Variants in SPDYE6 observed in about 807,000 individuals in gnomAD.
SPDYE6 encodes the protein speedy protein E6.
For synonymous variants in SPDYE6, 2 were observed against 103.0 expected (o/e 0.02, Z 5.94); for missense variants, 8 against 297.9 (o/e 0.03, Z 7.16).
chr7:102,353,655 TTCG>T (rs1367999060), intron 2 of SPDYE6, among the ~76,000 whole-genome samples: 1 of 148,214 alleles, frequency 6.7e-6, no homozygotes, highest in Non-Finnish European at 1.5e-5. Context: ...TTTTTTTTTT[TTCG>T]TTGTTGTTGT....
intron 4 of SPDYE6, among the ~76,000 whole-genome samples, 163 bp downstream of exon 4, chr7:102,351,899 TCACA>T (rs1301839417): frequency 0.033 from 489 of 14,844 alleles, 1 homozygote; most frequent in Admixed American, 0.054. Context: ...AGACTCTGTC[TCACA>T]CACACACACA....
In SPDYE6 at chr7:102,346,621, A is replaced by G. The variant is rs1794501056; in HGVS notation, c.*646T>C. ...AGGATAAAAGAATTGTCTCTTAAAA[A>G]TGAAAAGAAAATTAGCTTTATGTAT... On this transcript the variant is annotated 3_prime_UTR_variant, in exon 8 of 8. Transcript: ENST00000563237. Among the ~76,000 whole-genome samples the G allele has an allele frequency of 2.0e-5, 3 of 151,552 alleles. No homozygotes were observed. Among genetic ancestry groups the G allele is most frequent in the African/African-American group, 4.8e-5 (2 of 41,372 alleles).
At chr7:102,353,748 C>G in intron 2 of SPDYE6, among the ~76,000 whole-genome samples, 2 of 144,708 alleles carry the variant, frequency 1.4e-5, no homozygotes, top group South Asian at 4.8e-4. Flanking sequence ...ACTGCAACCT[C>G]TGCCTCCCGG....
chr7:102,353,637 C>CT lies in SPDYE6; in HGVS notation c.380-250dup, dbSNP rs374776632. 2.2e-3 allele frequency among the ~76,000 whole-genome samples: 268 copies of CT among 124,468 alleles called. 1 individual carries two copies. Among genetic ancestry groups the CT allele is most frequent in the African/African-American group, 4.2e-3 (138 of 32,632 alleles). 81.7% of individuals were successfully genotyped at this position (124,468 alleles called of 152,430 possible). On this transcript the variant is annotated intron_variant, in intron 2 of 7. Coordinates refer to ENST00000563237, the MANE Select transcript of SPDYE6 (RefSeq NM_001146210.4). ...CCCTGGTCCCTGGCTCTCTGAGTCCCTTTTTTTTTTTTTTTTTTTCGTTGT... is the reference window on the plus strand; with the variant it reads ...CCCTGGTCCCTGGCTCTCTGAGTCCCTTTTTTTTTTTTTTTTTTTTCGTTGT...
At position 102,346,317 on chromosome 7, in the gene SPDYE6, T is replaced by A. The variant is rs1554562048; in HGVS notation, c.*950A>T. ...TATTTAAATAATTCTATACCCATGT[T>A]TTTCAAAATAAACCAATAAAATAGA... On this transcript the variant is annotated 3_prime_UTR_variant, in exon 8 of 8. Coordinates refer to ENST00000563237, the MANE Select transcript of SPDYE6 (RefSeq NM_001146210.4). Among the ~76,000 whole-genome samples the A allele has an allele frequency of 1.4e-5, 2 of 142,434 alleles. No individual in the cohort carries two copies. The highest frequency in any genetic ancestry group is 2.6e-5 in the African/African-American group (1 of 38,990). The allele number at this position is 142,434 out of a possible 152,430, so 93.4% of individuals were successfully genotyped here.
In SPDYE6 at chr7:102,347,045, C is replaced by T; in HGVS notation, c.*222G>A. The stretch of plus-strand genomic sequence containing the variant: ...ACTCCTAGAAGGACCCCACCCCCCT[C>T]CCCCCACCCCTGCTCCTAGGAGGAC... On this transcript the variant is annotated 3_prime_UTR_variant, in exon 8 of 8. Coordinates refer to ENST00000563237, the MANE Select transcript of SPDYE6 (RefSeq NM_001146210.4). Among the ~76,000 whole-genome samples the T allele has an allele frequency of 1.6e-5, 1 of 63,188 alleles. No homozygotes were observed. Among genetic ancestry groups the T allele is most frequent in the Non-Finnish European group, 2.8e-5 (1 of 35,654 alleles). 41.5% of individuals were successfully genotyped at this position (63,188 alleles called of 152,430 possible).
chr7:102,353,567 C>G (rs1794604755), intron 2 of SPDYE6, among the ~76,000 whole-genome samples, 179 bp from the exon 3 acceptor site: 1 of 142,670 alleles, frequency 7.0e-6, no homozygotes, highest in African/African-American at 2.6e-5. Context: ...CTTCTCCTCC[C>G]CATTCTCCCG....
In SPDYE6 at chr7:102,345,950, T is replaced by C. The variant is rs1316866942; in HGVS notation, c.*1317A>G. Among the ~76,000 whole-genome samples, 1 of 152,022 alleles carries C rather than the reference T, an allele frequency of 6.6e-6. No individual in the cohort carries two copies. The highest frequency in any genetic ancestry group is 2.4e-5 in the African/African-American group (1 of 41,418). ...ATATGAAATATCAAATAAAAATTTATTTTTACAAGAATTTAGGGGAACTAC... is the reference window on the plus strand; with the variant it reads ...ATATGAAATATCAAATAAAAATTTACTTTTACAAGAATTTAGGGGAACTAC... On this transcript the variant is annotated 3_prime_UTR_variant, in exon 8 of 8. Transcript: ENST00000563237.
intron 4 of SPDYE6, among the ~76,000 whole-genome samples, chr7:102,351,646 A>G (rs1794566789): frequency 1.1e-5 from 1 of 94,368 alleles, no homozygotes; most frequent in Non-Finnish European, 2.2e-5. Context: ...TGACGTCTAT[A>G]ATCTCAGCAC....
Position 102,348,429 on chromosome 7 carries a change from C to T in SPDYE6, c.1004G>A (p.Arg335His), listed in dbSNP as rs1794528289. ...RKNRSRIPLL[R>H]KHRFQLYRSM... ...ACGGTATAACTGGAACCGATGCTTA[C>T]GGAGCAAGGGTATGCGAGAGCGGTT... Residue 335 changes from arginine (R) to histidine (H), a missense_variant, in exon 6 of 8, where the codon CGT becomes CAT. Coordinates refer to ENST00000563237, the MANE Select transcript of SPDYE6 (RefSeq NM_001146210.4). The T allele has an allele frequency of 4.8e-6, 5 of 1,040,846 alleles. 2 individuals are homozygous for T. Among genetic ancestry groups the T allele is most frequent in the Non-Finnish European group, 6.4e-6 (5 of 778,480 alleles). The allele number at this position is 1,040,846 out of a possible 1,614,324, so 64.5% of individuals were successfully genotyped here.
intron 2 of SPDYE6, among the ~76,000 whole-genome samples, chr7:102,353,669 C>CGTT (rs1794610956): frequency 6.7e-6 from 1 of 149,826 alleles, no homozygotes; most frequent in Admixed American, 6.6e-5. Flanking sequence ...TTGTTGTTGT[C>CGTT]GTTGTTGTTG....
chr7:102,346,026 T>A lies in SPDYE6; in HGVS notation c.*1241A>T, dbSNP rs4096862. On this transcript the variant is annotated 3_prime_UTR_variant, in exon 8 of 8. Transcript: ENST00000563237. ...TGTTAACTAAGTATCATAGATAAAATCCATGCTCCCTTCAGCAGCACGTGT... is the reference window on the plus strand; with the variant it reads ...TGTTAACTAAGTATCATAGATAAAAACCATGCTCCCTTCAGCAGCACGTGT... 7.0e-4 allele frequency among the ~76,000 whole-genome samples: 107 copies of A among 151,822 alleles called. No homozygotes were observed. The highest frequency in any genetic ancestry group is 2.4e-3 in the African/African-American group (101 of 41,492).
rs1261031509 is a variant in SPDYE6, at chr7:102,345,900, A to G, written c.*1367T>C. ...ATGCCAAAACAAGGTAAAAAATTAC[A>G]TCTGAATTCTCACATTTCAAACATA... On this transcript the variant is annotated 3_prime_UTR_variant, in exon 8 of 8. Transcript: ENST00000563237. 6.6e-6 allele frequency among the ~76,000 whole-genome samples: 1 copy of G among 152,212 alleles called. No homozygotes were observed. Among genetic ancestry groups the G allele is most frequent in the Non-Finnish European group, 1.5e-5 (1 of 68,036 alleles).
intron 4 of SPDYE6, among the ~76,000 whole-genome samples, chr7:102,351,220 AC>A (rs1554562431): frequency 6.7e-6 from 1 of 149,072 alleles, no homozygotes; most frequent in African/African-American, 2.4e-5. Flanking sequence ...GGCAGGGGCC[AC>A]TCATTCACTC....
intron 2 of SPDYE6, among the ~76,000 whole-genome samples, chr7:102,353,655 T>TTTTTTG (rs368227936): frequency 2.7e-5 from 4 of 148,208 alleles, no homozygotes; most frequent in African/African-American, 5.1e-5. Flanking sequence ...TTTTTTTTTT[T>TTTTTTG]TCGTTGTTGT....
rs1794499624 is a variant in SPDYE6, at chr7:102,346,523, T to C, written c.*744A>G. Among the ~76,000 whole-genome samples the C allele has an allele frequency of 6.6e-6, 1 of 151,302 alleles. No individual in the cohort carries two copies. The highest frequency in any genetic ancestry group is 1.5e-5 in the Non-Finnish European group (1 of 67,802). The stretch of plus-strand genomic sequence containing the variant: ...AGAAGAGATTATTATGGAAGTATCA[T>C]AGATAAAAAGAGTGCTCGCTTCAGG... On this transcript the variant is annotated 3_prime_UTR_variant, in exon 8 of 8. Transcript: ENST00000563237.
rs1304772942 is a variant in SPDYE6 at position 102,346,354 on chromosome 7, A to G, written c.*913T>C. Reference sequence around the variant, plus strand: ...ACCAATAAAATAGATAGTATATATTAGACGTGTTAGTATATATATCTGAGA... The same window carrying G: ...ACCAATAAAATAGATAGTATATATTGGACGTGTTAGTATATATATCTGAGA... On this transcript the variant is annotated 3_prime_UTR_variant, in exon 8 of 8. Transcript: ENST00000563237. Among the ~76,000 whole-genome samples the G allele has an allele frequency of 6.7e-6, 1 of 148,570 alleles. No individual in the cohort carries two copies. Among genetic ancestry groups the G allele is most frequent in the Admixed American group, 6.7e-5 (1 of 14,924 alleles).
chr7:102,351,692 A>G (rs1211600410), intron 4 of SPDYE6, among the ~76,000 whole-genome samples: 2 of 77,158 alleles, frequency 2.6e-5, no homozygotes, highest in Middle Eastern at 5.3e-3. Context: ...GCCTGAGGTC[A>G]GGTGTTCAGG....
At chr7:102,353,726 C>T (rs1438096680) in intron 2 of SPDYE6, among the ~76,000 whole-genome samples, 4 of 147,892 alleles carry the variant, frequency 2.7e-5, no homozygotes, top group Non-Finnish European at 3.0e-5. Flanking sequence ...TGTAGTGGTG[C>T]GATCTTGGCT....
Sources: gnomAD v4.1 joint callset for allele counts (sites outside exome capture counted in the v4.1 genomes callset) on GRCh38, gnomAD v4.1.1 for gene constraint, MANE v1.5 for transcripts, NCBI Gene and HGNC (gene_info 2026-07-23, HGNC 2026-07-21) for gene names.